PER3: variants seen among roughly 807,000 people sequenced by gnomAD.
PER3 encodes the protein period circadian regulator 3.
PER3 carries 107 observed loss-of-function variants against 127.2 expected under a neutral mutation model. The observed-to-expected ratio is 0.84, with a 90% CI of 0.72 to 0.99. PER3 has a LOEUF of 0.99. PER3 is among the 50% of genes least tolerant of loss of function. The pLI is 0.00. For synonymous variants in PER3, 618 were observed against 585.8 expected, an observed-to-expected ratio of 1.05 and a Z score of -0.79; for missense variants, 1,560 against 1,525.8, an observed-to-expected ratio of 1.02 and a Z score of -0.37.
At position 7,810,556 on chromosome 1, in the gene PER3, CG is replaced by C; in HGVS notation, c.1491del (p.Asn498MetfsTer23). 6.2e-7 allele frequency: 1 copy of C among 1,612,146 alleles called. No homozygotes were observed. The highest frequency in any genetic ancestry group is 8.5e-7 in the Non-Finnish European group (1 of 1,179,266). On this transcript the variant is annotated frameshift_variant, in exon 13 of 22. Transcript: ENST00000377532. LOFTEE classifies it high-confidence loss of function. ...CCAGTGACGGGGACACGCACAGAAC[CG>C]AATGGTGGTGGTGAGTCAGCGAATG... ...FKPVTGTRTE[P>X]NGGGESANGG...
At chr1:7,815,829 CAA>C (rs558631995) in intron 13 of PER3, among the ~76,000 whole-genome samples, 7 of 131,286 alleles carry the variant, frequency 5.3e-5, no homozygotes, top group Admixed American at 1.5e-4. Flanking sequence ...ACTAAAAATA[CAA>C]AAAAAAAAAA....
intron 5 of PER3, among the ~76,000 whole-genome samples, chr1:7,791,840 C>A (rs1374848288): frequency 1.3e-5 from 2 of 152,214 alleles, no homozygotes; most frequent in Non-Finnish European, 2.9e-5. Context: ...CCAGTCCCAA[C>A]AAGTTCCTCA....
chr1:7,803,359 T>G (rs866476835), intron 9 of PER3, among the ~76,000 whole-genome samples: 1 of 144,452 alleles, frequency 6.9e-6, no homozygotes, highest in Admixed American at 7.0e-5. Context: ...GAGGCCGAGG[T>G]GGGCGAATTG....
chr1:7,836,153 A>ATG (rs1166968111), intron 20 of PER3, among the ~76,000 whole-genome samples: 1 of 151,820 alleles, frequency 6.6e-6, no homozygotes, highest in Non-Finnish European at 1.5e-5. Context: ...GTGCACCACC[A>ATG]TGCGTGTCTA....
intron 3 of PER3, 115 bp downstream of exon 3, chr1:7,785,701 C>T: frequency 1.3e-6 from 1 of 792,012 alleles, no homozygotes; most frequent in Non-Finnish European, 2.0e-6. Flanking sequence ...TTTTCTGGTG[C>T]TTTGTGGAAG....
In PER3 at chr1:7,829,761, A is replaced by G. The variant is rs1423366755; in HGVS notation, c.2887-73A>G. ...AACTGAAACTACAGAAAGCAAAACCATGAATAAAGGAGGACTACTGTATTT... is the reference window on the plus strand; with the variant it reads ...AACTGAAACTACAGAAAGCAAAACCGTGAATAAAGGAGGACTACTGTATTT... On this transcript the variant is annotated intron_variant, in intron 18 of 21. Coordinates refer to ENST00000377532, the MANE Select transcript of PER3 (RefSeq NM_001377275.1). 13 of 1,279,632 alleles carry G rather than the reference A, an allele frequency of 1.0e-5. No homozygotes were observed. The East Asian group carries it at 2.1e-4, about 21-fold the overall frequency. The allele number at this position is 1,279,632 out of a possible 1,614,324, so 79.3% of individuals were successfully genotyped here. A position where few individuals can be genotyped will look rare whatever the true frequency, so the allele number is the denominator to read the frequency against.
chr1:7,838,509 A>G (rs970308239), intron 21 of PER3, among the ~76,000 whole-genome samples: 1 of 152,092 alleles, frequency 6.6e-6, no homozygotes, highest in African/African-American at 2.4e-5. Flanking sequence ...CCCAGGTTCA[A>G]GTGATTCTCC....
intron 6 of PER3, 45 bp downstream of exon 6, chr1:7,794,053 C>G (rs1244424570): frequency 1.3e-6 from 2 of 1,501,296 alleles, no homozygotes; most frequent in Non-Finnish European, 1.9e-6. Context: ...GGATTATGTT[C>G]TGAGTTTATT....
chr1:7,817,214 C>T (rs1315656755), intron 13 of PER3, among the ~76,000 whole-genome samples: 1 of 152,116 alleles, frequency 6.6e-6, no homozygotes, highest in Non-Finnish European at 1.5e-5. Flanking sequence ...TGGAAATGTT[C>T]TTTTGGTTAC....
At chr1:7,815,530 A>G (rs1467401253) in intron 13 of PER3, among the ~76,000 whole-genome samples, 1 of 152,218 alleles carries the variant, frequency 6.6e-6, no homozygotes, top group African/African-American at 2.4e-5. Flanking sequence ...ACAGTCTTAC[A>G]TGTTTATGTA....
intron 4 of PER3, chr1:7,787,728 C>T (rs566588392): frequency 2.1e-5 from 8 of 375,506 alleles, no homozygotes; most frequent in Admixed American, 7.8e-5. Flanking sequence ...GCGTTGATGA[C>T]GAGAACACCG....
At chr1:7,839,891 C>T (rs2097376464) in intron 21 of PER3, among the ~76,000 whole-genome samples, 1 of 151,812 alleles carries the variant, frequency 6.6e-6, no homozygotes, top group Non-Finnish European at 1.5e-5. Context: ...GTTCATTTAG[C>T]CTCTTGGACT....
At chr1:7,822,642 A>C (rs1382653924) in intron 16 of PER3, among the ~76,000 whole-genome samples, 1 of 152,208 alleles carries the variant, frequency 6.6e-6, no homozygotes. Flanking sequence ...AATCCCAAAG[A>C]AGAGCAGGAA....
chr1:7,810,008 C>T lies in PER3; in HGVS notation c.1358C>T (p.Thr453Met), dbSNP rs752096334. 15 of 1,613,290 alleles carry T rather than the reference C, an allele frequency of 9.3e-6. No individual in the cohort carries two copies. In the East Asian group the frequency reaches 1.1e-4, roughly 12 times the overall value. ...GCCAGTGGGCACCGTGTGGAGGAGA[C>T]GAAGGCGGAGCAGGTGCATGGGCTT... ...SEASGHRVEE[T>M]KAEQMTLQQV... is the part of the protein sequence containing the mutation. Residue 453 changes from threonine (T) to methionine (M), a missense_variant, in exon 12 of 22, where the codon ACG (threonine) becomes ATG (methionine). This residue lies in a region of PER3 where 1,332 missense variants were observed against 1,223.6 expected (regional missense o/e 1.09). Coordinates refer to ENST00000377532, the MANE Select transcript of PER3 (RefSeq NM_001377275.1).
intron 13 of PER3, among the ~76,000 whole-genome samples, chr1:7,815,376 G>A (rs1328994886): frequency 6.6e-6 from 1 of 152,180 alleles, no homozygotes; most frequent in Admixed American, 6.5e-5. Flanking sequence ...AAGCAAAAGA[G>A]TAGAAAAGAT....
intron 6 of PER3, among the ~76,000 whole-genome samples, chr1:7,797,658 A>G (rs901178509): frequency 2.0e-5 from 3 of 152,002 alleles, no homozygotes; most frequent in Non-Finnish European, 4.4e-5. Flanking sequence ...AAAAAGAAAA[A>G]AAAGTGAGGT....
At chr1:7,787,313 T>C in intron 4 of PER3, 1 of 218,428 alleles carries the variant, frequency 4.6e-6, no homozygotes, top group Non-Finnish European at 8.8e-6. Context: ...TTTTTTAATC[T>C]CTCTTCTTGT....
chr1:7,800,251 G>C (rs2097164810), intron 7 of PER3, among the ~76,000 whole-genome samples: 3 of 149,744 alleles, frequency 2.0e-5, no homozygotes, highest in Admixed American at 1.3e-4. Context: ...CTGTTACCCA[G>C]GCTGGAGTGC....
intron 2 of PER3, 63 bp downstream of exon 2, chr1:7,785,068 A>C: frequency 1.3e-6 from 2 of 1,509,952 alleles, no homozygotes; most frequent in Non-Finnish European, 1.8e-6. Context: ...GAGCAGGGAA[A>C]GGGGGACCTA....
Sources: gnomAD v4.1 joint callset for allele counts (sites outside exome capture counted in the v4.1 genomes callset) on GRCh38, gnomAD v4.1.1 for gene constraint, gnomAD v4.1.1 regional missense constraint, MANE v1.5 for transcripts, NCBI Gene and HGNC (gene_info 2026-07-23, HGNC 2026-07-21) for gene names.